Variants in NCKAP5 observed in about 807,000 individuals in gnomAD.
NCKAP5 encodes the protein nck-associated protein 5.
In NCKAP5, 92 loss-of-function variants were observed where a neutral mutation model predicts 167.0. That is an observed-to-expected ratio of 0.55 (90% CI 0.47 to 0.66). The LOEUF (loss-of-function observed/expected upper bound fraction) is 0.66, where lower values mean the gene tolerates loss of function less well. Ranked by LOEUF, NCKAP5 falls within the 30% of genes least tolerant of loss-of-function variation. The pLI is 0.00. For synonymous variants in NCKAP5, 891 were observed against 877.4 expected (o/e 1.02, Z -0.27); for missense variants, 2,378 against 2,315.0 (o/e 1.03, Z -0.56).
chr2:133,187,558 C>A (rs2085001985), intron 5 of NCKAP5, among the ~76,000 whole-genome samples: 1 of 151,884 alleles, frequency 6.6e-6, no homozygotes, highest in Non-Finnish European at 1.5e-5. Flanking sequence ...GTCAAGCTAA[C>A]AAAACATATA....
intron 4 of NCKAP5, among the ~76,000 whole-genome samples, chr2:133,224,667 G>C (rs1298547331): frequency 2.6e-5 from 4 of 152,140 alleles, no homozygotes; most frequent in African/African-American, 9.7e-5. Flanking sequence ...GGAAGAGCCT[G>C]AATTTAGCAC....
chr2:132,693,733 C>T (rs1056716605), intron 19 of NCKAP5, among the ~76,000 whole-genome samples: 1 of 145,272 alleles, frequency 6.9e-6, no homozygotes, highest in East Asian at 2.1e-4. Flanking sequence ...TCAAGCGATT[C>T]TCCTGCCTCA....
At chr2:133,171,732 TC>T (rs1445527101) in intron 5 of NCKAP5, among the ~76,000 whole-genome samples, 2 of 152,122 alleles carry the variant, frequency 1.3e-5, no homozygotes, top group East Asian at 3.8e-4. Context: ...CAACAATAGA[TC>T]CGCCGTAGTT....
intron 6 of NCKAP5, among the ~76,000 whole-genome samples, chr2:133,024,335 C>G (rs1249899818): frequency 6.6e-6 from 1 of 152,112 alleles, no homozygotes; most frequent in Non-Finnish European, 1.5e-5. Flanking sequence ...AACTATCAGA[C>G]CTTTACAAGA....
intron 3 of NCKAP5, among the ~76,000 whole-genome samples, chr2:133,369,083 C>T (rs1490935481): frequency 6.9e-6 from 1 of 145,614 alleles, no homozygotes; most frequent in Non-Finnish European, 1.6e-5. Context: ...GCACAGTTTA[C>T]AGAAGGCTTT....
Position 133,474,155 on chromosome 2 carries a change from TACACACA to T in NCKAP5, c.69+43296_69+43302del, listed in dbSNP as rs1450829848. Among the ~76,000 whole-genome samples, 9 of 142,646 alleles carry T rather than the reference TACACACA, an allele frequency of 6.3e-5. 1 individual carries two copies. The East Asian group carries it at 9.9e-4, about 16-fold the overall frequency. The allele number at this position is 142,646 out of a possible 152,430, so 93.6% of individuals were successfully genotyped here. A position where few individuals can be genotyped will look rare whatever the true frequency, so the allele number is the denominator to read the frequency against. On this transcript the variant is annotated intron_variant, in intron 3 of 19. Coordinates refer to ENST00000409261, the MANE Select transcript of NCKAP5 (RefSeq NM_207363.3). Reference sequence around the variant, plus strand: ...ATCTATCTATCTATCTATCTATCTATACACACACACACACACACACACGTACATACAT... The same window carrying T: ...ATCTATCTATCTATCTATCTATCTATCACACACACACACACGTACATACAT...
In NCKAP5 at chr2:133,356,304, G is replaced by C. The variant is rs138863314; in HGVS notation, c.70-53194C>G. Among the ~76,000 whole-genome samples, 580 of 152,268 alleles carry C rather than the reference G, an allele frequency of 3.8e-3. 3 individuals are homozygous for C. Among genetic ancestry groups the C allele is most frequent in the African/African-American group, 0.013 (542 of 41,566 alleles). Reference sequence around the variant, plus strand: ...TTTAACAACCTCTCAGGGGTACTGTGCAACAACTCTTCAGAAAAGCAAAGC... The same window carrying C: ...TTTAACAACCTCTCAGGGGTACTGTCCAACAACTCTTCAGAAAAGCAAAGC... On this transcript the variant is annotated intron_variant, in intron 3 of 19. Coordinates refer to ENST00000409261, the MANE Select transcript of NCKAP5 (RefSeq NM_207363.3).
chr2:133,442,231 G>A (rs1690904214), intron 3 of NCKAP5, among the ~76,000 whole-genome samples: 1 of 152,168 alleles, frequency 6.6e-6, no homozygotes, highest in African/African-American at 2.4e-5. Flanking sequence ...GAGAGGCAGG[G>A]AGGAAATATA....
At chr2:133,199,901 T>A (rs566036605) in intron 5 of NCKAP5, among the ~76,000 whole-genome samples, 1 of 151,824 alleles carries the variant, frequency 6.6e-6, no homozygotes, top group African/African-American at 2.4e-5. Context: ...TATAATGACA[T>A]GAATGAATTT....
At chr2:133,624,282 T>A in the NCKAP5 span, among the ~76,000 whole-genome samples, 3 of 152,134 alleles carry the variant, frequency 2.0e-5, no homozygotes, top group African/African-American at 4.8e-5. Context: ...CATTTTTTTT[T>A]AATTAAAAAT....
chr2:133,637,476 CAAAA>C, the NCKAP5 span, among the ~76,000 whole-genome samples: 8 of 31,670 alleles, frequency 2.5e-4, no homozygotes, highest in East Asian at 4.2e-3. Flanking sequence ...TGGTATTTTC[CAAAA>C]AAAAAAAAAA....
intron 4 of NCKAP5, chr2:133,266,546 G>C (rs2089233508): frequency 6.6e-6 from 1 of 152,300 alleles, no homozygotes. Context: ...CTGCGGGCTG[G>C]GGGCGGGGTG....
intron 4 of NCKAP5, among the ~76,000 whole-genome samples, chr2:133,302,828 T>C (rs921839384): frequency 1.9e-4 from 29 of 150,704 alleles, no homozygotes; most frequent in African/African-American, 6.8e-4. Flanking sequence ...AATAAATAAA[T>C]CTTGAAGCAA....
chr2:133,228,207 T>C (rs1391677983), intron 4 of NCKAP5, among the ~76,000 whole-genome samples: 3 of 152,314 alleles, frequency 2.0e-5, no homozygotes, highest in South Asian at 2.1e-4. Context: ...AAGGAAATAA[T>C]TGTTAGAGTC....
intron 4 of NCKAP5, among the ~76,000 whole-genome samples, chr2:133,270,561 A>G (rs750367582): frequency 3.5e-4 from 53 of 152,344 alleles, no homozygotes; most frequent in Non-Finnish European, 7.2e-4. Flanking sequence ...TCCTAAAGCT[A>G]AATCAAAAGG....
chr2:133,281,912 C>T (rs2089949981), intron 4 of NCKAP5, among the ~76,000 whole-genome samples: 1 of 152,152 alleles, frequency 6.6e-6, no homozygotes, highest in Non-Finnish European at 1.5e-5. Context: ...GTTGCAGACC[C>T]ACAGTTAAAT....
intron 2 of NCKAP5, among the ~76,000 whole-genome samples, chr2:133,526,267 G>A (rs13017792): frequency 5.3e-5 from 2 of 37,616 alleles, no homozygotes; most frequent in Admixed American, 2.9e-4. Context: ...GAGGGAAGGA[G>A]GGAGGGAGGG....
chr2:133,008,610 C>T (rs1302323357), intron 6 of NCKAP5, among the ~76,000 whole-genome samples: 1 of 152,174 alleles, frequency 6.6e-6, no homozygotes, highest in African/African-American at 2.4e-5. Context: ...TAATGTTTCA[C>T]TACTTTTACC....
intron 3 of NCKAP5, among the ~76,000 whole-genome samples, chr2:133,457,363 GA>G (rs1367204531): frequency 1.3e-5 from 2 of 152,122 alleles, no homozygotes; most frequent in Non-Finnish European, 2.9e-5. Context: ...TTCCCTTGGT[GA>G]GATATCAAAT....
Sources: gnomAD v4.1 joint callset for allele counts (sites outside exome capture counted in the v4.1 genomes callset) on GRCh38, gnomAD v4.1.1 for gene constraint, MANE v1.5 for transcripts, NCBI Gene and HGNC (gene_info 2026-07-23, HGNC 2026-07-21) for gene names.